Variants in ARNT observed in about 807,000 individuals in gnomAD.
ARNT encodes aryl hydrocarbon receptor nuclear translocator.
Under a neutral mutation model 105.0 loss-of-function variants are expected in ARNT, and 30 were observed. That is an observed-to-expected ratio of 0.29 (90% CI 0.21 to 0.39). The LOEUF (loss-of-function observed/expected upper bound fraction) is 0.39. ARNT is among the 10% of genes least tolerant of loss of function. The pLI is 1.00. For missense variants in ARNT, 748 were observed against 978.7 expected, an observed-to-expected ratio of 0.76 and a Z score of 3.15; for synonymous variants, 304 against 344.0, an observed-to-expected ratio of 0.88 and a Z score of 1.29.
chr1:150,816,519 A>G, intron 18 of ARNT, 113 bp from the exon 19 acceptor site: 1 of 1,306,898 alleles, frequency 7.7e-7, no homozygotes, highest in Non-Finnish European at 1.0e-6. Flanking sequence ...CTGCAGGTTA[A>G]GGAAAATTTG....
intron 1 of ARNT, among the ~76,000 whole-genome samples, chr1:150,874,689 T>A (rs1489961754): frequency 6.6e-6 from 1 of 151,334 alleles, no homozygotes; most frequent in Non-Finnish European, 1.5e-5. Context: ...AGCAAGACCC[T>A]GTAGCAAAAG....
At chr1:150,863,038 A>ATG in intron 1 of ARNT, among the ~76,000 whole-genome samples, 1 of 146,830 alleles carries the variant, frequency 6.8e-6, no homozygotes. Context: ...GTGACAGAGC[A>ATG]AGATTCCGTC....
At chr1:150,836,576 C>A in intron 6 of ARNT, 83 bp from the exon 7 acceptor site, 2 of 1,360,898 alleles carry the variant, frequency 1.5e-6, no homozygotes, top group East Asian at 2.5e-5. Context: ...TAAGACACTT[C>A]AGGCCACATG....
chr1:150,874,069 T>C (rs1571562189), intron 1 of ARNT, among the ~76,000 whole-genome samples: 1 of 70,490 alleles, frequency 1.4e-5, no homozygotes, highest in Non-Finnish European at 3.2e-5. Flanking sequence ...AAATACAAAG[T>C]AGAAAAAACT....
chr1:150,838,680 CCTA>C (rs1042611786), intron 6 of ARNT, among the ~76,000 whole-genome samples: 4 of 152,102 alleles, frequency 2.6e-5, no homozygotes, highest in Non-Finnish European at 4.4e-5. Flanking sequence ...CCTTATACCT[CCTA>C]CATTTTCCAA....
At chr1:150,839,397 T>C in intron 6 of ARNT, 44 bp downstream of exon 6, 2 of 1,598,596 alleles carry the variant, frequency 1.3e-6, no homozygotes, top group Non-Finnish European at 1.7e-6. Flanking sequence ...TTCAAGAGAT[T>C]CACCCAGATT....
rs1335844767 is a variant in ARNT at position 150,836,519 on chromosome 1, T to G, written c.487-26A>C. ...CTGCGCAAGAAAAAGAAATAGAAGT[T>G]AATATTTTACTCTGAAAAAACAAGT... On this transcript the variant is annotated intron_variant, in intron 6 of 21. Coordinates refer to ENST00000358595, the MANE Select transcript of ARNT (RefSeq NM_001668.4). 1.9e-6 allele frequency: 3 copies of G among 1,602,760 alleles called. No homozygotes were observed. In the Admixed American group the frequency reaches 5.1e-5, roughly 27 times the overall value.
chr1:150,821,636 G>A (rs1420667977), intron 14 of ARNT, among the ~76,000 whole-genome samples: 4 of 151,870 alleles, frequency 2.6e-5, no homozygotes, highest in Admixed American at 2.6e-4. Context: ...GTATGTATAC[G>A]TTGTGATACA....
At chr1:150,852,899 AC>A (rs1301131294) in intron 2 of ARNT, 93 bp from the exon 3 acceptor site, 23 of 1,441,030 alleles carry the variant, frequency 1.6e-5, no homozygotes, top group Admixed American at 1.5e-4. Context: ...CGGAACACCC[AC>A]CCAAATGGAA....
chr1:150,832,947 T>G (rs1243472635), intron 8 of ARNT, among the ~76,000 whole-genome samples: 1 of 152,184 alleles, frequency 6.6e-6, no homozygotes, highest in Non-Finnish European at 1.5e-5. Context: ...CCTCTCCCTA[T>G]CCTTTAAAAC....
chr1:150,876,279 T>C (rs1336439702), intron 1 of ARNT, among the ~76,000 whole-genome samples: 5 of 152,160 alleles, frequency 3.3e-5, no homozygotes, highest in African/African-American at 9.7e-5. Flanking sequence ...AGCCCCGCAC[T>C]GGCTGCCGCT....
In ARNT at chr1:150,814,130, G is replaced by A; in HGVS notation, c.2060C>T (p.Ala687Val). ...SSMSLPGAPT[A>V]SPGAAAYPSL... ...AGGGTAGGCAGCAGCACCAGGCGAT[G>A]CAGTTGGGGCACCAGGGAGGGACAT... The change falls in exon 20 of 22, where the codon GCA (alanine) becomes GTA (valine). Residue 687 changes from alanine (A) to valine (V), a missense_variant. Ala to Val is a moderately conservative substitution (Grantham distance 64, BLOSUM62 0). This residue lies in a region of ARNT where 360 missense variants were observed against 411.9 expected (regional missense o/e 0.87). Transcript: ENST00000358595. The A allele has an allele frequency of 6.2e-7, 1 of 1,614,214 alleles. No homozygotes were observed. The highest frequency in any genetic ancestry group is 1.3e-5 in the African/African-American group (1 of 75,054).
chr1:150,862,450 C>T (rs1463102529), intron 1 of ARNT, among the ~76,000 whole-genome samples: 1 of 152,076 alleles, frequency 6.6e-6, no homozygotes, highest in East Asian at 1.9e-4. Flanking sequence ...AAAACAATTA[C>T]CACTGTTAGT....
Position 150,817,971 on chromosome 1 carries a change from C to T in ARNT, c.1454G>A (p.Gly485Asp). ...LSNTIQRPQLGPTANLPLEMG... is the reference protein window; with the variant it reads ...LSNTIQRPQLDPTANLPLEMG... ...CTCCAGGGGTAAATTAGCTGTGGGACCTAGTTGTGGCCTCTGGATTGTGTT... is the reference window on the plus strand; with the variant it reads ...CTCCAGGGGTAAATTAGCTGTGGGATCTAGTTGTGGCCTCTGGATTGTGTT... Residue 485 changes from glycine (G) to aspartate (D), a missense_variant, in exon 15 of 22, where the codon GGT (glycine) becomes GAT (aspartate). By Grantham distance (94) the Gly-to-Asp change is moderately conservative. Transcript: ENST00000358595. 2 of 1,613,380 alleles carry T rather than the reference C, an allele frequency of 1.2e-6. No individual in the cohort carries two copies. Among genetic ancestry groups the T allele is most frequent in the Non-Finnish European group, 1.7e-6 (2 of 1,179,906 alleles).
At chr1:150,861,388 G>A (rs1665609203) in intron 1 of ARNT, 3 of 301,402 alleles carry the variant, frequency 1.0e-5, no homozygotes, top group Admixed American at 4.7e-5. Flanking sequence ...CCACCTCTGG[G>A]TATATACCTG....
intron 2 of ARNT, among the ~76,000 whole-genome samples, chr1:150,853,514 T>G (rs1029124814): frequency 3.3e-5 from 5 of 152,218 alleles, no homozygotes; most frequent in Non-Finnish European, 7.3e-5. Flanking sequence ...CTGAAACATC[T>G]TTCAAAGCAG....
At chr1:150,848,859 T>C (rs1479286169) in intron 3 of ARNT, among the ~76,000 whole-genome samples, 2 of 152,130 alleles carry the variant, frequency 1.3e-5, no homozygotes, top group African/African-American at 4.8e-5. Context: ...AATACACTTA[T>C]ATTACTTTCC....
chr1:150,856,029 A>C (rs1427886454), intron 2 of ARNT, among the ~76,000 whole-genome samples: 2 of 152,258 alleles, frequency 1.3e-5, no homozygotes, highest in Admixed American at 6.5e-5. Flanking sequence ...ATATAATTAC[A>C]TAACTATTAA....
chr1:150,849,662 C>A (rs1662944655), intron 3 of ARNT, among the ~76,000 whole-genome samples: 1 of 152,086 alleles, frequency 6.6e-6, no homozygotes, highest in Non-Finnish European at 1.5e-5. Context: ...ACTTGGGAGA[C>A]TGAGGTGGGA....
Sources: gnomAD v4.1 joint callset for allele counts (sites outside exome capture counted in the v4.1 genomes callset) on GRCh38, gnomAD v4.1.1 for gene constraint, gnomAD v4.1.1 regional missense constraint, MANE v1.5 for transcripts, NCBI Gene and HGNC (gene_info 2026-07-23, HGNC 2026-07-21) for gene names.